Variants in ALOX5 observed in about 807,000 individuals in gnomAD.
ALOX5 encodes polyunsaturated fatty acid 5-lipoxygenase.
Under a neutral mutation model 87.9 loss-of-function variants are expected in ALOX5, and 64 were observed. The ratio of observed to expected loss-of-function variants is 0.73; its 90% CI spans 0.60 to 0.90. The LOEUF is 0.90. Ranked by LOEUF, ALOX5 falls within the 40% of genes least tolerant of loss-of-function variation. The pLI is 0.00. For missense variants in ALOX5, 822 were observed against 907.5 expected, an observed-to-expected ratio of 0.91 and a Z score of 1.21; for synonymous variants, 388 against 355.1, an observed-to-expected ratio of 1.09 and a Z score of -1.04.
chr10:45,391,774 C>T (rs1455534589), intron 2 of ALOX5, among the ~76,000 whole-genome samples: 4 of 152,082 alleles, frequency 2.6e-5, no homozygotes, highest in African/African-American at 9.7e-5. Context: ...AGGAGCGCCT[C>T]TGCCCGGCCG....
At chr10:45,376,658 C>G (rs550488697) in intron 1 of ALOX5, among the ~76,000 whole-genome samples, 163 of 152,294 alleles carry the variant, frequency 1.1e-3, no homozygotes, top group African/African-American at 3.7e-3. Context: ...TATTTCCACA[C>G]AATTTAATCA....
At chr10:45,396,280 G>A (rs1463206523) in intron 3 of ALOX5, among the ~76,000 whole-genome samples, 2 of 152,134 alleles carry the variant, frequency 1.3e-5, no homozygotes. Flanking sequence ...AGTGATACAT[G>A]ATCAGCAATA....
At chr10:45,393,250 C>T (rs1564418706) in intron 2 of ALOX5, among the ~76,000 whole-genome samples, 3 of 152,186 alleles carry the variant, frequency 2.0e-5, no homozygotes, top group African/African-American at 7.2e-5. Flanking sequence ...AAAAGCTTAT[C>T]CACCAGGATC....
At chr10:45,398,619 C>T (rs986886581) in intron 3 of ALOX5, among the ~76,000 whole-genome samples, 2 of 152,226 alleles carry the variant, frequency 1.3e-5, no homozygotes, top group East Asian at 1.9e-4. Flanking sequence ...TAAGGGCCTT[C>T]CATCCATAAT....
chr10:45,414,294 A>G (rs1463127689), intron 4 of ALOX5, among the ~76,000 whole-genome samples: 3 of 152,162 alleles, frequency 2.0e-5, no homozygotes, highest in South Asian at 4.1e-4. Flanking sequence ...CACATCTACA[A>G]CCATCTGATC....
rs923898419 is a variant in ALOX5 at position 45,425,766 on chromosome 10, T to C, written c.834+634T>C. ...AGGCGCTGGCCCATCAGCCTGCCTCTTCCCCATGGATCCAGCGTGATGGGG... is the reference window on the plus strand; with the variant it reads ...AGGCGCTGGCCCATCAGCCTGCCTCCTCCCCATGGATCCAGCGTGATGGGG... On this transcript the variant is annotated intron_variant, in intron 6 of 13. Coordinates refer to ENST00000374391, the MANE Select transcript of ALOX5 (RefSeq NM_000698.5). The surrounding 1 kb of genome is among the most constrained non-coding windows in gnomAD (Gnocchi z 4.4). Among the ~76,000 whole-genome samples, 6 of 152,206 alleles carry C rather than the reference T, an allele frequency of 3.9e-5. No individual in the cohort carries two copies. Among genetic ancestry groups the C allele is most frequent in the Admixed American group, 3.9e-4 (6 of 15,282 alleles).
At chr10:45,444,308 C>A in intron 13 of ALOX5, 22 bp downstream of exon 13, 2 of 1,541,312 alleles carry the variant, frequency 1.3e-6, no homozygotes, top group African/African-American at 1.4e-5. Flanking sequence ...CAGGGCGGGG[C>A]ACAGCCCCAG....
chr10:45,374,308 C>T lies in ALOX5; in HGVS notation c.29C>T (p.Thr10Ile). 6.6e-7 allele frequency: 1 copy of T among 1,519,448 alleles called. No individual in the cohort carries two copies. Among genetic ancestry groups the T allele is most frequent in the Non-Finnish European group, 8.8e-7 (1 of 1,134,208 alleles). The allele number at this position is 1,519,448 out of a possible 1,614,324, so 94.1% of individuals were successfully genotyped here. The stretch of plus-strand genomic sequence containing the variant: ...CCCTCCTACACGGTCACCGTGGCCA[C>T]TGGCAGCCAGTGGTTCGCCGGCACT... MPSYTVTVA[T>I]GSQWFAGTDD... is the part of the protein sequence containing the mutation. Residue 10 changes from threonine (T) to isoleucine (I), a missense_variant, in exon 1 of 14, where the codon ACT becomes ATT. By Grantham distance (89) the Thr-to-Ile change is moderately conservative (BLOSUM62 -1). Transcript: ENST00000374391.
chr10:45,445,778 C>T lies in ALOX5; in HGVS notation c.*91C>T. 7.3e-7 allele frequency: 1 copy of T among 1,378,536 alleles called. No homozygotes were observed. The allele number at this position is 1,378,536 out of a possible 1,614,324, so 85.4% of individuals were successfully genotyped here. ...CAGGCTGTCTGGCCAGGCCTCTTGG[C>T]AGTCACATCTCTTCCTCCGAGGCCA... On this transcript the variant is annotated 3_prime_UTR_variant, in exon 14 of 14. Transcript: ENST00000374391.
chr10:45,393,891 C>T (rs1218524333), intron 2 of ALOX5, among the ~76,000 whole-genome samples: 4 of 152,214 alleles, frequency 2.6e-5, no homozygotes, highest in Non-Finnish European at 5.9e-5. Flanking sequence ...AAGAATCCAA[C>T]TTACAAGGGA....
chr10:45,406,397 T>A (rs1328478074), intron 3 of ALOX5, among the ~76,000 whole-genome samples: 1 of 152,250 alleles, frequency 6.6e-6, no homozygotes, highest in Non-Finnish European at 1.5e-5. Context: ...TAATGTCTGT[T>A]ACATATCTCA....
chr10:45,398,991 AC>A (rs1307101538), intron 3 of ALOX5, among the ~76,000 whole-genome samples: 7 of 152,262 alleles, frequency 4.6e-5, no homozygotes, highest in African/African-American at 1.7e-4. Flanking sequence ...ATATGCCCAC[AC>A]AAAAACTTGT....
chr10:45,416,518 GT>G (rs768826541), intron 4 of ALOX5, among the ~76,000 whole-genome samples: 69 of 152,352 alleles, frequency 4.5e-4, no homozygotes, highest in Non-Finnish European at 8.7e-4. Context: ...AGTGGGATAG[GT>G]CCCAGACCAG....
chr10:45,440,135 G>A (rs1404810350), intron 7 of ALOX5, among the ~76,000 whole-genome samples: 1 of 152,184 alleles, frequency 6.6e-6, no homozygotes, highest in Non-Finnish European at 1.5e-5. Context: ...CTCCTTCCAT[G>A]CTGCCAGCTC....
intron 3 of ALOX5, among the ~76,000 whole-genome samples, chr10:45,402,422 G>C (rs1054227440): frequency 6.6e-6 from 1 of 152,122 alleles, no homozygotes; most frequent in Non-Finnish European, 1.5e-5. Context: ...CGGAGGGCTC[G>C]GCTGATGGGT....
intron 4 of ALOX5, among the ~76,000 whole-genome samples, chr10:45,416,358 G>T (rs1841290318): frequency 1.3e-5 from 2 of 152,080 alleles, no homozygotes; most frequent in South Asian, 4.2e-4. Context: ...ACCACAATTG[G>T]GGTCTACTGG....
intron 4 of ALOX5, among the ~76,000 whole-genome samples, chr10:45,422,595 G>A (rs1235794133): frequency 6.6e-6 from 1 of 152,210 alleles, no homozygotes; most frequent in African/African-American, 2.4e-5. Flanking sequence ...TAAAGTGCAG[G>A]CATGACTGTG....
chr10:45,386,924 G>C (rs1014891590), intron 2 of ALOX5, among the ~76,000 whole-genome samples: 1 of 152,190 alleles, frequency 6.6e-6, no homozygotes, highest in South Asian at 2.1e-4. Context: ...AGTGAGAGAC[G>C]GCAGCAGGAC....
intron 3 of ALOX5, among the ~76,000 whole-genome samples, chr10:45,402,765 C>A (rs1048005908): frequency 6.6e-6 from 1 of 152,124 alleles, no homozygotes; most frequent in Non-Finnish European, 1.5e-5. Context: ...GAGTGATTGA[C>A]GAGAATTATT....
Sources: allele counts gnomAD v4.1 joint callset (sites outside exome capture counted in the v4.1 genomes callset), GRCh38; gene constraint gnomAD v4.1.1; non-coding constraint Gnocchi (gnomAD v3.1); transcripts MANE v1.5; gene names NCBI Gene and HGNC (gene_info 2026-07-23, HGNC 2026-07-21).